Variants in TOGARAM1 observed in about 807,000 individuals in gnomAD.
TOGARAM1 encodes the protein TOG array regulator of axonemal microtubules protein 1.
In TOGARAM1, 100 loss-of-function variants were observed where a neutral mutation model predicts 166.6. The observed-to-expected ratio is 0.60, with a 90% confidence interval of 0.51 to 0.71. The LOEUF (loss-of-function observed/expected upper bound fraction) is 0.71. Among genes scored for constraint, TOGARAM1 ranks in the 30% least tolerant of loss-of-function variants. TOGARAM1 has a pLI of 0.00. For synonymous variants in TOGARAM1, 758 were observed against 763.8 expected, an observed-to-expected ratio of 0.99 and a Z score of 0.13; for missense variants, 2,029 against 2,102.7, an observed-to-expected ratio of 0.96 and a Z score of 0.69.
chr14:44,988,959 G>A (rs968530532), intron 1 of TOGARAM1, among the ~76,000 whole-genome samples: 2 of 152,230 alleles, frequency 1.3e-5, no homozygotes, highest in Non-Finnish European at 2.9e-5. Context: ...CATTTTGATT[G>A]CAGCCTTAGA....
intron 11 of TOGARAM1, among the ~76,000 whole-genome samples, chr14:45,037,134 A>G (rs1279596665): frequency 6.6e-6 from 1 of 152,190 alleles, no homozygotes; most frequent in African/African-American, 2.4e-5. Context: ...ACTAGCTGTC[A>G]GCCAGGGACC....
In TOGARAM1 at chr14:45,068,630, G is replaced by A; in HGVS notation, c.4956G>A (p.Leu1652=). ...CTGCTACAAATGTTGTTCAGGCACT[G>A]AGTCAGCATGTAGGTAAGAAATCTT... ...YAAATNVVQA[L]SQHVDNYLLL... Residue 1652 remains leucine (L), a synonymous_variant, in exon 18 of 20, where the codon CTG becomes CTA. Coordinates refer to ENST00000361462, the MANE Select transcript of TOGARAM1 (RefSeq NM_001308120.2). The A allele has an allele frequency of 6.3e-7, 1 of 1,598,896 alleles. No homozygotes were observed. Among genetic ancestry groups the A allele is most frequent in the African/African-American group, 1.3e-5 (1 of 74,546 alleles).
intron 13 of TOGARAM1, among the ~76,000 whole-genome samples, chr14:45,045,583 A>ATGTGTG (rs1200414644): frequency 1.5e-3 from 56 of 37,460 alleles, no homozygotes; most frequent in Non-Finnish European, 2.3e-3. Flanking sequence ...ATATATATAT[A>ATGTGTG]TGTGTGTGTG....
chr14:45,041,158 T>G (rs1470015240), intron 11 of TOGARAM1, among the ~76,000 whole-genome samples: 1 of 152,126 alleles, frequency 6.6e-6, no homozygotes, highest in Admixed American at 6.6e-5. Flanking sequence ...ATCTTAGCAC[T>G]TTGGGAGGCC....
chr14:44,977,231 C>CTTTTTTTTTTTTTTTTTTTTTTTTTTT (rs397707333), intron 1 of TOGARAM1, among the ~76,000 whole-genome samples: 2 of 123,320 alleles, frequency 1.6e-5, no homozygotes. Flanking sequence ...ATTAGACAGA[C>CTTTTTTTTTTTTTTTTTTTTTTTTTTT]TTTTTTTTTT....
chr14:45,055,595 G>A, intron 16 of TOGARAM1, among the ~76,000 whole-genome samples: 1 of 152,008 alleles, frequency 6.6e-6, no homozygotes, highest in Admixed American at 6.6e-5. Flanking sequence ...ACGAGGTCAG[G>A]AGTTCAAGAC....
intron 13 of TOGARAM1, among the ~76,000 whole-genome samples, chr14:45,045,583 ATG>A (rs1200414644): frequency 0.031 from 1,159 of 37,010 alleles, 24 homozygotes; most frequent in Non-Finnish European, 0.04. Flanking sequence ...ATATATATAT[ATG>A]TGTGTGTGTG....
chr14:44,986,572 C>A (rs879662999), intron 1 of TOGARAM1, among the ~76,000 whole-genome samples: 1 of 152,146 alleles, frequency 6.6e-6, no homozygotes, highest in Admixed American at 6.5e-5. Flanking sequence ...GCTGGGATTA[C>A]AGGCATGAGC....
In TOGARAM1 at chr14:44,962,228, G is replaced by A. The variant is rs1885173443; in HGVS notation, c.-194G>A. 2.2e-5 allele frequency: 13 copies of A among 585,710 alleles called. No individual in the cohort carries two copies. In the South Asian group the frequency reaches 3.3e-4, roughly 15 times the overall value. The allele number at this position is 585,710 out of a possible 1,614,324, so 36.3% of individuals were successfully genotyped here. A position where few individuals can be genotyped will look rare whatever the true frequency, so the allele number is the denominator to read the frequency against. On this transcript the variant is annotated 5_prime_UTR_variant, in exon 1 of 20. Coordinates refer to ENST00000361462, the MANE Select transcript of TOGARAM1 (RefSeq NM_001308120.2). ...GGTTACGCCCGGTGGCAGCTGTGGGGTCTAGGGCTCAGACGGGGGCCATTT... is the reference window on the plus strand; with the variant it reads ...GGTTACGCCCGGTGGCAGCTGTGGGATCTAGGGCTCAGACGGGGGCCATTT...
intron 2 of TOGARAM1, 110 bp from the exon 3 acceptor site, chr14:44,999,253 C>A: frequency 1.8e-6 from 2 of 1,141,482 alleles, no homozygotes; most frequent in Non-Finnish European, 2.4e-6. Flanking sequence ...TGTACTTAAA[C>A]ACTTATATTT....
chr14:45,008,307 C>T (rs528802645), intron 5 of TOGARAM1, among the ~76,000 whole-genome samples: 2 of 148,290 alleles, frequency 1.3e-5, no homozygotes, highest in African/African-American at 5.0e-5. Context: ...GGTGCAATCT[C>T]GGCTCATTGC....
At chr14:45,053,955 C>T (rs970523431) in intron 15 of TOGARAM1, among the ~76,000 whole-genome samples, 1 of 152,082 alleles carries the variant, frequency 6.6e-6, no homozygotes, top group East Asian at 1.9e-4. Flanking sequence ...TCTTAGCTCA[C>T]TGCAACCTCT....
In TOGARAM1 at chr14:44,972,332, A is replaced by G. The variant is rs191633912; in HGVS notation, c.2046+7865A>G. On this transcript the variant is annotated intron_variant, in intron 1 of 19. Transcript: ENST00000361462. ...TGTTAGTGTTCCATGTGAATTTAAGAAGAATGTGCAGTCTGTTGTTGGATA... is the reference window on the plus strand; with the variant it reads ...TGTTAGTGTTCCATGTGAATTTAAGGAGAATGTGCAGTCTGTTGTTGGATA... Among the ~76,000 whole-genome samples, 5 of 152,152 alleles carry G rather than the reference A, an allele frequency of 3.3e-5. No homozygotes were observed. In the East Asian group the frequency reaches 9.7e-4, roughly 29 times the overall value.
At chr14:45,011,905 C>T in intron 6 of TOGARAM1, 70 bp from the exon 7 acceptor site, 1 of 1,045,522 alleles carries the variant, frequency 9.6e-7, no homozygotes, top group Non-Finnish European at 1.4e-6. Flanking sequence ...GGAGAATAGA[C>T]AATATGTGAT....
intron 1 of TOGARAM1, 120 bp downstream of exon 1, chr14:44,964,587 T>G (rs1313092251): frequency 8.5e-7 from 1 of 1,175,326 alleles, no homozygotes; most frequent in Non-Finnish European, 1.2e-6. Flanking sequence ...TTAAATTGAT[T>G]TTAAATCCAT....
intron 10 of TOGARAM1, among the ~76,000 whole-genome samples, chr14:45,028,563 T>C (rs1156390284): frequency 6.6e-6 from 1 of 152,332 alleles, no homozygotes; most frequent in South Asian, 2.1e-4. Flanking sequence ...ATCTCTTCTA[T>C]ACTCCTGGAA....
rs1334767104 is a variant in TOGARAM1 at position 44,999,434 on chromosome 14, A to G, written c.2275A>G (p.Lys759Glu). 6.2e-7 allele frequency: 1 copy of G among 1,612,420 alleles called. No individual in the cohort carries two copies. Among genetic ancestry groups the G allele is most frequent in the Non-Finnish European group, 8.5e-7 (1 of 1,178,998 alleles). ...AQLGFSQICG[K>E]TGSVGSDLQF... Reference sequence around the variant, plus strand: ...ACTTGGATTTTCACAAATATGTGGTAAAACTGGCAGTGTGGGTTCTGACTT... The same window carrying G: ...ACTTGGATTTTCACAAATATGTGGTGAAACTGGCAGTGTGGGTTCTGACTT... Residue 759 changes from lysine to glutamate, a missense_variant, in exon 3 of 20, where the codon AAA becomes GAA. By Grantham distance (56) the Lys-to-Glu change is moderately conservative. Coordinates refer to ENST00000361462, the MANE Select transcript of TOGARAM1 (RefSeq NM_001308120.2).
At chr14:44,988,413 T>A (rs1189339733) in intron 1 of TOGARAM1, among the ~76,000 whole-genome samples, 1 of 152,198 alleles carries the variant, frequency 6.6e-6, no homozygotes, top group Admixed American at 6.5e-5. Flanking sequence ...TATATCAATT[T>A]GTGTGCTCAA....
rs778706373 is a variant in TOGARAM1 at position 44,963,726 on chromosome 14, A to C, written c.1305A>C (p.Pro435=). Residue 435 remains proline (P), a synonymous_variant, in exon 1 of 20, where the codon CCA becomes CCC. Transcript: ENST00000361462. ...LGEQVQQFLG[P]VIAASVKVLA... ...AGCAGGTACAGCAGTTCTTGGGACC[A>C]GTTATAGCAGCTTCTGTCAAAGTGC... 6.8e-6 allele frequency: 11 copies of C among 1,613,976 alleles called. No homozygotes were observed. In the South Asian group the frequency reaches 1.2e-4, roughly 18 times the overall value.
Sources: allele counts gnomAD v4.1 joint callset (sites outside exome capture counted in the v4.1 genomes callset), GRCh38; gene constraint gnomAD v4.1.1; transcripts MANE v1.5; gene names NCBI Gene and HGNC (gene_info 2026-07-23, HGNC 2026-07-21).